The following RIMOC1 variants were observed in gnomAD, a reference collection of about 807,000 sequenced individuals.
RIMOC1 encodes RAB7A-interacting MON1-CCZ1 complex subunit 1.
At chr5:41,912,949 T>C in the RIMOC1 span, among the ~76,000 whole-genome samples, 1 of 152,252 alleles carries the variant, frequency 6.6e-6, no homozygotes, top group African/African-American at 2.4e-5. Context: ...CATCTCATCA[T>C]GTTCTTACCT....
the RIMOC1 span, chr5:41,911,051 T>C: frequency 6.2e-7 from 1 of 1,610,086 alleles, no homozygotes; most frequent in Non-Finnish European, 8.5e-7. Flanking sequence ...GTTTCAGCAC[T>C]GCAATTTGCT....
At chr5:41,911,037 G>A in the RIMOC1 span, 2 of 1,597,854 alleles carry the variant, frequency 1.3e-6, no homozygotes, top group Non-Finnish European at 1.7e-6. Flanking sequence ...GTCTTTTTTT[G>A]TGTGTTTCAG....
At chr5:41,917,084 T>A in the RIMOC1 span, 1 of 1,613,798 alleles carries the variant, frequency 6.2e-7, no homozygotes, top group Non-Finnish European at 8.5e-7. Context: ...GGGATCGAAG[T>A]ATTGTGCTGA....
chr5:41,908,021 T>G, the RIMOC1 span, among the ~76,000 whole-genome samples: 2 of 152,096 alleles, frequency 1.3e-5, no homozygotes, highest in Non-Finnish European at 2.9e-5. Flanking sequence ...TGAAAAGAAG[T>G]AAGATTTATT....
the RIMOC1 span, among the ~76,000 whole-genome samples, chr5:41,913,272 G>C: frequency 1.3e-5 from 2 of 152,188 alleles, no homozygotes; most frequent in South Asian, 2.1e-4. Context: ...GGAAACCTGG[G>C]AAGTATAGTC....
the RIMOC1 span, chr5:41,909,627 C>A: frequency 1.8e-6 from 1 of 553,100 alleles, no homozygotes; most frequent in Non-Finnish European, 2.9e-6. Context: ...AATTTACATA[C>A]TGAGCTAGAA....
the RIMOC1 span, chr5:41,910,967 G>C: frequency 5.3e-6 from 8 of 1,498,080 alleles, no homozygotes; most frequent in South Asian, 1.0e-4. Flanking sequence ...GTTTTTAATC[G>C]ATGAGTTTTT....
At chr5:41,911,067 A>T in the RIMOC1 span, 24 of 1,609,426 alleles carry the variant, frequency 1.5e-5, no homozygotes, top group Non-Finnish European at 1.8e-5. Context: ...TTGCTTGGGG[A>T]TGAGCTACTG....
At chr5:41,910,939 AT>A in the RIMOC1 span, 215 of 1,292,180 alleles carry the variant, frequency 1.7e-4, no homozygotes, top group African/African-American at 3.0e-3. Context: ...CAAAGGGAAC[AT>A]TTTGTGACTT....
the RIMOC1 span, among the ~76,000 whole-genome samples, chr5:41,915,487 C>T: frequency 1.3e-5 from 2 of 152,038 alleles, no homozygotes; most frequent in Non-Finnish European, 1.5e-5. Context: ...TGTATTAGTC[C>T]GTTTTCATGC....
chr5:41,906,133 A>G, the RIMOC1 span, among the ~76,000 whole-genome samples: 7 of 152,340 alleles, frequency 4.6e-5, no homozygotes, highest in East Asian at 1.3e-3. Flanking sequence ...TGTCTTCTTC[A>G]GATTAGATGA....
At chr5:41,917,125 T>G in the RIMOC1 span, 1 of 1,613,832 alleles carries the variant, frequency 6.2e-7, no homozygotes, top group South Asian at 1.1e-5. Context: ...AAGTGGATAC[T>G]AGTGTGTCTG....
At chr5:41,915,018 TAAAACTC>T in the RIMOC1 span, among the ~76,000 whole-genome samples, 3 of 152,202 alleles carry the variant, frequency 2.0e-5, no homozygotes, top group African/African-American at 7.2e-5. Flanking sequence ...TAATTTTAGA[TAAAACTC>T]AAAACTGTGT....
At chr5:41,910,514 C>T in the RIMOC1 span, among the ~76,000 whole-genome samples, 1 of 151,848 alleles carries the variant, frequency 6.6e-6, no homozygotes, top group South Asian at 2.1e-4. Flanking sequence ...CTCTTTGAAG[C>T]AAATAATTTC....
the RIMOC1 span, chr5:41,912,293 CAAA>C: frequency 1.5e-6 from 1 of 649,172 alleles, no homozygotes; most frequent in Non-Finnish European, 2.7e-6. Flanking sequence ...AGATTATAGA[CAAA>C]AAAGTAATAA....
chr5:41,916,753 A>G, the RIMOC1 span, among the ~76,000 whole-genome samples: 84 of 152,314 alleles, frequency 5.5e-4, no homozygotes, highest in African/African-American at 1.9e-3. Context: ...AAAAAGGTCA[A>G]AAACACCTAA....
the RIMOC1 span, among the ~76,000 whole-genome samples, chr5:41,915,584 TGGCAGAA>T: frequency 1.3e-5 from 2 of 152,174 alleles, no homozygotes; most frequent in African/African-American, 2.4e-5. Flanking sequence ...CTCATAATCA[TGGCAGAA>T]GGCAGAAGGC....
chr5:41,917,545 G>A, the RIMOC1 span: 4 of 1,159,090 alleles, frequency 3.5e-6, no homozygotes, highest in Non-Finnish European at 4.3e-6. Context: ...CAGATGTTAT[G>A]TCACTAATAA....
At chr5:41,912,434 C>T in the RIMOC1 span, among the ~76,000 whole-genome samples, 1 of 152,104 alleles carries the variant, frequency 6.6e-6, no homozygotes, top group African/African-American at 2.4e-5. Context: ...ATTTTGCATC[C>T]TCACACAGCC....
Sources: allele counts gnomAD v4.1 joint callset (sites outside exome capture counted in the v4.1 genomes callset), GRCh38; gene constraint gnomAD v4.1.1; transcripts MANE v1.5; gene names NCBI Gene and HGNC (gene_info 2026-07-23, HGNC 2026-07-21).